Variants in ZNF594 observed in about 807,000 individuals in gnomAD.
ZNF594 encodes zinc finger protein HZF18.
For synonymous variants in ZNF594, 336 were observed against 309.4 expected (o/e 1.09, Z -0.90); for missense variants, 1,037 against 964.6 (o/e 1.08, Z -0.99).
chr17:5,181,917 C>T lies in ZNF594; in HGVS notation c.2340G>A (p.Gln780=). 3 of 1,613,940 alleles carry T rather than the reference C, an allele frequency of 1.9e-6. No homozygotes were observed. The highest frequency in any genetic ancestry group is 2.5e-6 in the Non-Finnish European group (3 of 1,180,022). ...FQGSSDLIRH[Q]VTHTREKPYE... is the part of the protein sequence containing the mutation. ...ATGGTTTCTCTCTTGTATGAGTTAC[C>T]TGATGTCTGATGAGATCTGAGCTGC... The change falls in exon 2 of 2, where the codon CAG becomes CAA. Residue 780 remains glutamine (Q), a synonymous_variant. Transcript: ENST00000575779.
intron 1 of ZNF594, among the ~76,000 whole-genome samples, chr17:5,186,376 C>T (rs572726627): frequency 4.1e-4 from 63 of 152,320 alleles, no homozygotes; most frequent in African/African-American, 1.4e-3. Flanking sequence ...ATGGCTAGAG[C>T]GGCTGGGATG....
intron 1 of ZNF594, among the ~76,000 whole-genome samples, chr17:5,185,629 G>A (rs2074381279): frequency 6.6e-6 from 1 of 152,074 alleles, no homozygotes; most frequent in African/African-American, 2.4e-5. Flanking sequence ...TAACCCAAAA[G>A]TCCACAGTTC....
intron 1 of ZNF594, among the ~76,000 whole-genome samples, chr17:5,185,405 G>C (rs2074379770): frequency 6.6e-6 from 1 of 152,142 alleles, no homozygotes; most frequent in South Asian, 2.1e-4. Flanking sequence ...AATAGTAGGG[G>C]GGAAACTGCC....
At chr17:5,185,721 A>G (rs968064203) in intron 1 of ZNF594, among the ~76,000 whole-genome samples, 7 of 152,150 alleles carry the variant, frequency 4.6e-5, no homozygotes, top group African/African-American at 1.7e-4. Flanking sequence ...TCCTAGATAT[A>G]ATGGGGGTAC....
At chr17:5,186,350 T>C (rs2074386282) in intron 1 of ZNF594, among the ~76,000 whole-genome samples, 1 of 152,244 alleles carries the variant, frequency 6.6e-6, no homozygotes, top group South Asian at 2.1e-4. Flanking sequence ...TCTATCTACA[T>C]TGGCCCCTTT....
chr17:5,174,675 T>C (rs1406298555), downstream of ZNF594: 8 of 200,540 alleles, frequency 4.0e-5, no homozygotes, highest in East Asian at 6.2e-4. Context: ...GATGTTTTAT[T>C]TAAACAGGTA....
the ZNF594 span, chr17:5,174,390 C>T: frequency 5.2e-6 from 1 of 190,878 alleles, no homozygotes; most frequent in Non-Finnish European, 1.1e-5. Context: ...ACCAATGTAA[C>T]TAAGCATTTG....
chr17:5,185,230 T>C (rs768201645), intron 1 of ZNF594, among the ~76,000 whole-genome samples: 2 of 152,084 alleles, frequency 1.3e-5, no homozygotes, highest in Non-Finnish European at 2.9e-5. Flanking sequence ...GAAAAAGAGG[T>C]TTAGTTGGAC....
downstream of ZNF594, among the ~76,000 whole-genome samples, chr17:5,175,342 G>GCATGC (rs766375878): frequency 5.9e-5 from 9 of 152,198 alleles, no homozygotes; most frequent in Non-Finnish European, 1.3e-4. Context: ...TGTGAACTGC[G>GCATGC]CATGCTAGCA....
chr17:5,180,876 G>T lies in ZNF594; in HGVS notation c.*957C>A, dbSNP rs1484385522. 3 of 500,774 alleles carry T rather than the reference G, an allele frequency of 6.0e-6. No homozygotes were observed. The highest frequency in any genetic ancestry group is 2.0e-5 in the South Asian group (1 of 50,958). The allele number at this position is 500,774 out of a possible 1,614,324, so 31.0% of individuals were successfully genotyped here. ...TTTTCTAATAAAACTCATTTGTAGT[G>T]CAATAAGATGTGGTCTCCATCAGAC... On this transcript the variant is annotated 3_prime_UTR_variant, in exon 2 of 2. Coordinates refer to ENST00000575779, the MANE Select transcript of ZNF594 (RefSeq NM_032530.2).
chr17:5,175,333 G>A (rs535129146), downstream of ZNF594, among the ~76,000 whole-genome samples: 1 of 152,282 alleles, frequency 6.6e-6, no homozygotes, highest in East Asian at 1.9e-4. Context: ...GAACCCTATT[G>A]TGAACTGCGC....
At position 5,183,909 on chromosome 17, in the gene ZNF594, T is replaced by G. The variant is rs1443468463; in HGVS notation, c.348A>C (p.Glu116Asp). 3.7e-6 allele frequency: 6 copies of G among 1,613,554 alleles called. No homozygotes were observed. In the South Asian group the frequency reaches 6.6e-5, roughly 18 times the overall value. The change falls in exon 2 of 2, where the codon GAA (glutamate) becomes GAC (aspartate). Residue 116 changes from glutamate (E) to aspartate (D), a missense_variant. Glu to Asp is a conservative substitution (Grantham distance 45, BLOSUM62 2). Coordinates refer to ENST00000575779, the MANE Select transcript of ZNF594 (RefSeq NM_032530.2). ...QNFKQKSGLT[E>D]HQKIHNINKT... ...TATTTATATTATGAATTTTCTGATG[T>G]TCAGTTAATCCTGACTTCTGTTTGA...
chr17:5,178,962 C>A (rs988667821), downstream of ZNF594, among the ~76,000 whole-genome samples: 5 of 152,072 alleles, frequency 3.3e-5, no homozygotes, highest in African/African-American at 1.2e-4. Flanking sequence ...AAAGCCAGCA[C>A]TGAAAATGAA....
chr17:5,180,940 C>A lies in ZNF594; in HGVS notation c.*893G>T. Reference sequence around the variant, plus strand: ...ACTGCATTCATTAGGTTTCTGCTACCTATTAGAATAGGTCCTGTTTGTAGA... The same window carrying A: ...ACTGCATTCATTAGGTTTCTGCTACATATTAGAATAGGTCCTGTTTGTAGA... On this transcript the variant is annotated 3_prime_UTR_variant, in exon 2 of 2. Transcript: ENST00000575779. 1.5e-6 allele frequency: 1 copy of A among 675,076 alleles called. No homozygotes were observed. The highest frequency in any genetic ancestry group is 2.7e-6 in the Non-Finnish European group (1 of 369,222). 41.8% of individuals were successfully genotyped at this position (675,076 alleles called of 1,614,324 possible).
At position 5,183,107 on chromosome 17, in the gene ZNF594, T is replaced by C. The variant is rs368943175; in HGVS notation, c.1150A>G (p.Asn384Asp). Residue 384 changes from asparagine (N) to aspartate (D), a missense_variant, in exon 2 of 2, where the codon AAT (asparagine) becomes GAT (aspartate). Asn to Asp is a conservative substitution (Grantham distance 23, BLOSUM62 1). Transcript: ENST00000575779. ...KAYWCNQCGR[N>D]FQGTSDLIRH... ...ATGAGGTCTGAGGTGCCCTGGAAAT[T>C]CCTACCACACTGATTACACCAATAA... The C allele has an allele frequency of 6.1e-5, 98 of 1,613,926 alleles. 1 individual carries two copies. The African/African-American group carries it at 7.9e-4, about 13-fold the overall frequency.
At chr17:5,187,120 A>C (rs1157739953) in intron 1 of ZNF594, among the ~76,000 whole-genome samples, 1 of 152,244 alleles carries the variant, frequency 6.6e-6, no homozygotes, top group African/African-American at 2.4e-5. Flanking sequence ...CATGCTGCTG[A>C]TGAAGACATA....
chr17:5,186,865 G>C (rs921279955), intron 1 of ZNF594, among the ~76,000 whole-genome samples: 3 of 152,204 alleles, frequency 2.0e-5, no homozygotes, highest in African/African-American at 7.2e-5. Context: ...TTCCCGACAA[G>C]TTCCTCATCT....
rs1204538203 is a variant in ZNF594, at chr17:5,183,200, ATTC to A, written c.1054_1056del (p.Glu352del). Reference sequence around the variant, plus strand: ...TCATCCTTGCTGAAGGTTTTCTCACATTCTTCAATTTTCTCTCCAGCATGCAAT... The same window carrying A: ...TCATCCTTGCTGAAGGTTTTCTCACATTCAATTTTCTCTCCAGCATGCAAT... On this transcript the variant is annotated inframe_deletion, in exon 2 of 2. Coordinates refer to ENST00000575779, the MANE Select transcript of ZNF594 (RefSeq NM_032530.2). 1.2e-6 allele frequency: 2 copies of A among 1,613,902 alleles called. No individual in the cohort carries two copies. The highest frequency in any genetic ancestry group is 4.5e-5 in the East Asian group (2 of 44,862).
chr17:5,178,592 A>G (rs1385864787), downstream of ZNF594, among the ~76,000 whole-genome samples: 6 of 152,236 alleles, frequency 3.9e-5, no homozygotes, highest in Non-Finnish European at 8.8e-5. Context: ...ACCAACATTT[A>G]AGCAATATAG....
Sources: allele counts gnomAD v4.1 joint callset (sites outside exome capture counted in the v4.1 genomes callset), GRCh38; gene constraint gnomAD v4.1.1; transcripts MANE v1.5; gene names NCBI Gene and HGNC (gene_info 2026-07-23, HGNC 2026-07-21).